WWOX: variants seen among roughly 807,000 people sequenced by gnomAD.
The protein encoded by WWOX is WW domain containing oxidoreductase, also known as WW domain-containing oxidoreductase.
Under a neutral mutation model 46.2 loss-of-function variants are expected in WWOX, and 69 were observed. The ratio of observed to expected loss-of-function variants is 1.49; its 90% CI spans 1.23 to 1.82. The LOEUF is 1.82. WWOX is among the 40% of genes most tolerant of loss of function. WWOX has a pLI of 0.00. For missense variants in WWOX, 919 were observed against 542.6 expected (o/e 1.69, Z -6.89); for synonymous variants, 359 against 202.6 (o/e 1.77, Z -6.56).
intron 5 of WWOX, among the ~76,000 whole-genome samples, chr16:78,242,577 A>C (rs2037690277): frequency 1.3e-5 from 2 of 152,188 alleles, no homozygotes; most frequent in Non-Finnish European, 1.5e-5. Flanking sequence ...ACGTGGAACC[A>C]GGGTTTGAGG....
At chr16:78,946,755 C>A (rs554895264) in intron 8 of WWOX, among the ~76,000 whole-genome samples, 1 of 149,138 alleles carries the variant, frequency 6.7e-6, no homozygotes, top group African/African-American at 2.6e-5. Context: ...ATGCAGTGGT[C>A]CACAGAATTG....
intron 4 of WWOX, chr16:78,119,042 A>T (rs141309971): frequency 4.6e-5 from 7 of 152,282 alleles, no homozygotes; most frequent in African/African-American, 7.2e-5. Flanking sequence ...ATCCAGGGGG[A>T]AGCCATCTCT....
intron 8 of WWOX, among the ~76,000 whole-genome samples, chr16:78,705,594 G>C (rs2048312382): frequency 6.6e-6 from 1 of 152,222 alleles, no homozygotes. Flanking sequence ...GTTTCATGCA[G>C]TAAATACTTA....
At chr16:78,607,797 T>G (rs1195555152) in intron 8 of WWOX, among the ~76,000 whole-genome samples, 1 of 152,056 alleles carries the variant, frequency 6.6e-6, no homozygotes, top group African/African-American at 2.4e-5. Context: ...CATTTCTCTT[T>G]GGAGCGTGTC....
intron 7 of WWOX, among the ~76,000 whole-genome samples, chr16:78,429,575 T>C (rs1224801701): frequency 1.3e-5 from 2 of 152,128 alleles, no homozygotes; most frequent in Non-Finnish European, 2.9e-5. Flanking sequence ...CTATATTTAT[T>C]CCATACCTTT....
intron 8 of WWOX, among the ~76,000 whole-genome samples, chr16:78,532,762 C>G (rs151295187): frequency 3.3e-5 from 5 of 152,174 alleles, no homozygotes; most frequent in Admixed American, 6.5e-5. Context: ...TTCCTTGAGA[C>G]TTATTTGCTA....
At chr16:78,455,620 GT>G (rs35611570) in intron 8 of WWOX, among the ~76,000 whole-genome samples, 29,387 of 129,598 alleles carry the variant, frequency 0.23, 6,300 homozygotes, top group African/African-American at 0.59. Flanking sequence ...TCCAGCCTGG[GT>G]TAACAGAGCA....
chr16:78,791,970 G>T (rs2050613739), intron 8 of WWOX, among the ~76,000 whole-genome samples: 2 of 152,018 alleles, frequency 1.3e-5, no homozygotes, highest in African/African-American at 4.8e-5. Context: ...ATTGTTTTTT[G>T]TTTTTTTAAG....
chr16:78,662,740 C>T (rs530875602), intron 8 of WWOX, among the ~76,000 whole-genome samples: 6 of 152,236 alleles, frequency 3.9e-5, no homozygotes, highest in African/African-American at 1.4e-4. Context: ...GGGCTGGATT[C>T]GGGAAGGATC....
At chr16:78,177,353 A>T (rs377057089) in intron 5 of WWOX, among the ~76,000 whole-genome samples, 28 of 152,240 alleles carry the variant, frequency 1.8e-4, no homozygotes, top group Non-Finnish European at 3.5e-4. Flanking sequence ...GTCTAGAAGG[A>T]TTTTGCTAAT....
chr16:78,313,752 T>C (rs1202467964), intron 5 of WWOX, among the ~76,000 whole-genome samples: 1 of 152,196 alleles, frequency 6.6e-6, no homozygotes, highest in Non-Finnish European at 1.5e-5. Context: ...TTGTCTACAT[T>C]TTGAGGCTCT....
intron 8 of WWOX, among the ~76,000 whole-genome samples, chr16:78,870,897 C>T (rs886610950): frequency 1.3e-5 from 2 of 152,186 alleles, no homozygotes; most frequent in South Asian, 2.1e-4. Context: ...CCACCATGCC[C>T]GGCCTAATCT....
intron 8 of WWOX, among the ~76,000 whole-genome samples, chr16:78,752,116 C>T (rs2081670365): frequency 6.6e-6 from 1 of 152,324 alleles, no homozygotes; most frequent in South Asian, 2.1e-4. Context: ...AGTCAGTTGT[C>T]TCAATCCATA....
intron 8 of WWOX, among the ~76,000 whole-genome samples, chr16:79,076,764 G>A (rs994925262): frequency 1.2e-4 from 19 of 152,318 alleles, no homozygotes; most frequent in Middle Eastern, 3.4e-3. Flanking sequence ...TCAGCTTCCT[G>A]ACCTGCAGAA....
At chr16:78,526,056 A>G (rs2043458331) in intron 8 of WWOX, 1 of 152,152 alleles carries the variant, frequency 6.6e-6, no homozygotes, top group South Asian at 2.1e-4. Flanking sequence ...GAGGTTTCCT[A>G]ACAGTATTTC....
intron 8 of WWOX, among the ~76,000 whole-genome samples, chr16:78,472,991 G>C (rs866192663): frequency 2.4e-4 from 37 of 152,152 alleles, no homozygotes; most frequent in African/African-American, 8.2e-4. Context: ...TTTTTGTGCC[G>C]CCTGCAGGAG....
chr16:78,323,442 G>A (rs1438203691), intron 5 of WWOX, among the ~76,000 whole-genome samples: 3 of 152,070 alleles, frequency 2.0e-5, no homozygotes, highest in African/African-American at 7.2e-5. Context: ...CAGTAAGCAA[G>A]CAAGGCTCAG....
At chr16:78,751,270 T>G (rs1036995609) in intron 8 of WWOX, among the ~76,000 whole-genome samples, 1 of 151,682 alleles carries the variant, frequency 6.6e-6, no homozygotes, top group African/African-American at 2.4e-5. Context: ...ACCTGGAAAC[T>G]TTATGAATTA....
At position 79,212,078 on chromosome 16, in the gene WWOX, A is replaced by G; in HGVS notation, c.*282A>G. 1 of 1,536,426 alleles carries G rather than the reference A, an allele frequency of 6.5e-7. No individual in the cohort carries two copies. The highest frequency in any genetic ancestry group is 2.4e-5 in the East Asian group (1 of 40,912). On this transcript the variant is annotated 3_prime_UTR_variant, in exon 9 of 9. Transcript: ENST00000566780. Reference sequence around the variant, plus strand: ...AACCTGCTTGGTGTGTAGGTTCCGTATCTCCCTGGAGAAGCACCAGCAATT... The same window carrying G: ...AACCTGCTTGGTGTGTAGGTTCCGTGTCTCCCTGGAGAAGCACCAGCAATT...
Sources: allele counts gnomAD v4.1 joint callset (sites outside exome capture counted in the v4.1 genomes callset), GRCh38; gene constraint gnomAD v4.1.1; transcripts MANE v1.5; gene names NCBI Gene and HGNC (gene_info 2026-07-23, HGNC 2026-07-21).